Variants in FNDC3A observed in about 807,000 individuals in gnomAD.
FNDC3A encodes fibronectin type-III domain-containing protein 3A.
In FNDC3A, 32 loss-of-function variants were observed where a neutral mutation model predicts 148.9. That is an observed-to-expected ratio of 0.21 (90% CI 0.16 to 0.29). The LOEUF (loss-of-function observed/expected upper bound fraction) is 0.29. FNDC3A is among the 10% of genes least tolerant of loss of function. The probability of loss-of-function intolerance (pLI) is 1.00; values close to 1 mark genes in which losing one functional copy is unlikely to be tolerated. For missense variants in FNDC3A, 1,191 were observed against 1,452.8 expected, an observed-to-expected ratio of 0.82 and a Z score of 2.93; for synonymous variants, 472 against 473.6, an observed-to-expected ratio of 1.00 and a Z score of 0.04.
intron 19 of FNDC3A, 52 bp downstream of exon 19, chr13:49,191,436 ATTTT>A: frequency 2.2e-6 from 3 of 1,386,350 alleles, no homozygotes; most frequent in East Asian, 2.4e-5. Flanking sequence ...TATATGTTTC[ATTTT>A]AACATATATC....
intron 2 of FNDC3A, among the ~76,000 whole-genome samples, chr13:49,026,275 T>G (rs1178808175): frequency 6.6e-6 from 1 of 152,192 alleles, no homozygotes; most frequent in Non-Finnish European, 1.5e-5. Flanking sequence ...GAATACTAAA[T>G]GAGAATGATA....
chr13:49,128,646 T>TC (rs1248650352), intron 4 of FNDC3A, among the ~76,000 whole-genome samples: 1 of 152,184 alleles, frequency 6.6e-6, no homozygotes, highest in Admixed American at 6.5e-5. Flanking sequence ...AATGATGAAC[T>TC]CCAACTCCTT....
intron 2 of FNDC3A, among the ~76,000 whole-genome samples, chr13:49,064,562 A>G (rs1448397078): frequency 2.0e-5 from 3 of 152,154 alleles, no homozygotes; most frequent in Non-Finnish European, 2.9e-5. Context: ...CCTGAGGGAA[A>G]GTGACAGGAA....
At chr13:49,051,194 T>C (rs551008205) in intron 2 of FNDC3A, among the ~76,000 whole-genome samples, 2 of 152,320 alleles carry the variant, frequency 1.3e-5, no homozygotes, top group South Asian at 4.1e-4. Context: ...TTGCACTATT[T>C]GTTGCCTGAA....
intron 1 of FNDC3A, among the ~76,000 whole-genome samples, chr13:48,999,040 A>G (rs1952076725): frequency 6.6e-6 from 1 of 152,218 alleles, no homozygotes; most frequent in Admixed American, 6.5e-5. Flanking sequence ...CATGGGCCCA[A>G]AGGGCAAGGC....
intron 4 of FNDC3A, among the ~76,000 whole-genome samples, chr13:49,128,363 A>C (rs1881829751): frequency 6.6e-6 from 1 of 152,200 alleles, no homozygotes; most frequent in Non-Finnish European, 1.5e-5. Flanking sequence ...GTCCTGTCAA[A>C]TATAAGGTTA....
intron 3 of FNDC3A, chr13:49,110,340 G>A: frequency 1.3e-6 from 2 of 1,589,892 alleles, no homozygotes; most frequent in Admixed American, 1.8e-5. Context: ...AGCTGTTAAC[G>A]TGTACTACGC....
intron 1 of FNDC3A, among the ~76,000 whole-genome samples, chr13:48,998,963 G>A (rs1187823008): frequency 6.6e-6 from 1 of 152,210 alleles, no homozygotes; most frequent in African/African-American, 2.4e-5. Flanking sequence ...TTTCAGAAAA[G>A]GGAGAAGGAC....
intron 14 of FNDC3A, among the ~76,000 whole-genome samples, chr13:49,181,213 T>C (rs1193953154): frequency 1.3e-5 from 2 of 152,196 alleles, no homozygotes; most frequent in Non-Finnish European, 2.9e-5. Flanking sequence ...TCCCAGATAA[T>C]GAGGTTGGAG....
intron 2 of FNDC3A, among the ~76,000 whole-genome samples, chr13:49,039,921 C>T (rs927338811): frequency 1.3e-5 from 2 of 152,118 alleles, no homozygotes; most frequent in Non-Finnish European, 2.9e-5. Flanking sequence ...ATCATGTTGG[C>T]CAGGCTGGTC....
chr13:49,067,650 G>A (rs1877355094), intron 2 of FNDC3A, among the ~76,000 whole-genome samples: 1 of 152,064 alleles, frequency 6.6e-6, no homozygotes, highest in East Asian at 1.9e-4. Context: ...AGCATAAATG[G>A]GTTAATTTAA....
intron 1 of FNDC3A, among the ~76,000 whole-genome samples, chr13:49,005,707 G>A (rs1218810123): frequency 2.0e-5 from 3 of 151,866 alleles, no homozygotes; most frequent in Non-Finnish European, 4.4e-5. Context: ...GAGACAGATA[G>A]GGTGATGAGG....
At chr13:49,102,728 G>A (rs540511283) in intron 3 of FNDC3A, among the ~76,000 whole-genome samples, 12 of 152,272 alleles carry the variant, frequency 7.9e-5, no homozygotes, top group Admixed American at 2.0e-4. Context: ...TAAACACAGA[G>A]GATGCATTGA....
intron 1 of FNDC3A, among the ~76,000 whole-genome samples, chr13:48,987,680 C>T (rs1951830750): frequency 6.6e-6 from 1 of 152,162 alleles, no homozygotes; most frequent in Non-Finnish European, 1.5e-5. Context: ...AAATAAGTTA[C>T]AGTAAATTTG....
At chr13:49,027,506 A>G (rs1057317377) in intron 2 of FNDC3A, among the ~76,000 whole-genome samples, 4 of 152,258 alleles carry the variant, frequency 2.6e-5, no homozygotes, top group Non-Finnish European at 5.9e-5. Flanking sequence ...GCAGAAAGCA[A>G]TAATTATACA....
chr13:48,977,147 C>T (rs1951618494), intron 1 of FNDC3A, among the ~76,000 whole-genome samples: 1 of 152,058 alleles, frequency 6.6e-6, no homozygotes, highest in Non-Finnish European at 1.5e-5. Context: ...TGTGTCTGAC[C>T]ATCTATTAAA....
intron 2 of FNDC3A, among the ~76,000 whole-genome samples, chr13:49,060,024 G>T (rs1476326543): frequency 6.6e-6 from 1 of 152,202 alleles, no homozygotes; most frequent in Non-Finnish European, 1.5e-5. Flanking sequence ...TGGCAAGAAT[G>T]TAGAATAAGT....
chr13:49,093,752 A>G (rs1424524007), intron 3 of FNDC3A, among the ~76,000 whole-genome samples: 2 of 152,194 alleles, frequency 1.3e-5, no homozygotes, highest in East Asian at 3.8e-4. Flanking sequence ...TATTTAATAT[A>G]TTTCAAAATT....
At chr13:49,160,086 T>G (rs1283300409) in intron 8 of FNDC3A, among the ~76,000 whole-genome samples, 9 of 152,160 alleles carry the variant, frequency 5.9e-5, no homozygotes, top group South Asian at 4.1e-4. Context: ...TCTCTTTTTT[T>G]GTTGTGTCTC....
Sources: allele counts gnomAD v4.1 joint callset (sites outside exome capture counted in the v4.1 genomes callset), GRCh38; gene constraint gnomAD v4.1.1; transcripts MANE v1.5; gene names NCBI Gene and HGNC (gene_info 2026-07-23, HGNC 2026-07-21).